CDKAL1: variants seen among roughly 807,000 people sequenced by gnomAD.
CDKAL1 encodes CDKAL1 threonylcarbamoyladenosine tRNA methylthiotransferase.
Under a neutral mutation model 68.2 loss-of-function variants are expected in CDKAL1, and 32 were observed. The ratio of observed to expected loss-of-function variants is 0.47; its 90% confidence interval spans 0.35 to 0.63. The LOEUF (loss-of-function observed/expected upper bound fraction) is 0.63. Among genes scored for constraint, CDKAL1 ranks in the 30% least tolerant of loss-of-function variants. CDKAL1 has a pLI of 0.00. For synonymous variants in CDKAL1, 234 were observed against 244.3 expected, an observed-to-expected ratio of 0.96 and a Z score of 0.39; for missense variants, 606 against 696.7, an observed-to-expected ratio of 0.87 and a Z score of 1.47.
intron 10 of CDKAL1, among the ~76,000 whole-genome samples, chr6:20,994,214 C>T (rs1282055809): frequency 6.6e-6 from 1 of 152,266 alleles, no homozygotes; most frequent in Non-Finnish European, 1.5e-5. Flanking sequence ...AGCAGTAGCT[C>T]ATGCCTGTAA....
intron 13 of CDKAL1, among the ~76,000 whole-genome samples, chr6:21,164,913 C>T (rs1777088202): frequency 6.6e-6 from 1 of 152,166 alleles, no homozygotes. Context: ...AAAGCTCCAC[C>T]AGAGGAATCT....
At chr6:21,118,456 C>T (rs960873731) in intron 13 of CDKAL1, among the ~76,000 whole-genome samples, 30 of 152,280 alleles carry the variant, frequency 2.0e-4, no homozygotes, top group African/African-American at 7.2e-4. Context: ...TACCAACCTC[C>T]AACACAGATT....
chr6:21,038,217 A>G (rs759582494), intron 11 of CDKAL1, among the ~76,000 whole-genome samples: 13 of 152,244 alleles, frequency 8.5e-5, no homozygotes, highest in Non-Finnish European at 1.5e-4. Flanking sequence ...AGGCCTGAAC[A>G]GAGGAGAGTT....
In CDKAL1 at chr6:21,007,035, C is replaced by T. The variant is rs150193516; in HGVS notation, c.1055+6663C>T. Among the ~76,000 whole-genome samples, 432 of 152,264 alleles carry T rather than the reference C, an allele frequency of 2.8e-3. 5 individuals are homozygous for T. The highest frequency in any genetic ancestry group is 8.9e-3 in the African/African-American group (370 of 41,548). On this transcript the variant is annotated intron_variant, in intron 11 of 15. Transcript: ENST00000274695. ...TTTGACAGAGTGCTTTCATATTCCA[C>T]AGAGCTTGCATATTAACTCATTATG...
intron 4 of CDKAL1, among the ~76,000 whole-genome samples, chr6:20,600,034 C>A (rs1298780775): frequency 6.6e-6 from 1 of 152,144 alleles, no homozygotes; most frequent in Non-Finnish European, 1.5e-5. Context: ...ATGTGAATAT[C>A]ATGCTTGGTA....
intron 9 of CDKAL1, among the ~76,000 whole-genome samples, chr6:20,923,615 C>T (rs548607943): frequency 3.3e-5 from 5 of 152,268 alleles, no homozygotes; most frequent in African/African-American, 1.2e-4. Context: ...TTCCAGCCTC[C>T]CTATTGCCTG....
At chr6:20,806,044 T>G (rs1263295258) in intron 8 of CDKAL1, among the ~76,000 whole-genome samples, 2 of 152,212 alleles carry the variant, frequency 1.3e-5, no homozygotes. Flanking sequence ...TGTACAGGTC[T>G]TTATGTAGGT....
intron 10 of CDKAL1, among the ~76,000 whole-genome samples, chr6:20,969,851 C>A (rs1159632311): frequency 6.6e-6 from 1 of 152,102 alleles, no homozygotes; most frequent in African/African-American, 2.4e-5. Context: ...AAACACACAC[C>A]CAGCCCTATG....
At chr6:20,987,046 AAC>A (rs1407320652) in intron 10 of CDKAL1, among the ~76,000 whole-genome samples, 1 of 152,184 alleles carries the variant, frequency 6.6e-6, no homozygotes, top group Admixed American at 6.5e-5. Context: ...CTTTAAGGCA[AAC>A]AAAGATGTGT....
chr6:20,990,907 A>G (rs1766756272), intron 10 of CDKAL1, among the ~76,000 whole-genome samples: 1 of 152,234 alleles, frequency 6.6e-6, no homozygotes, highest in Non-Finnish European at 1.5e-5. Flanking sequence ...ATACTGATTT[A>G]TTGGGACATT....
intron 11 of CDKAL1, among the ~76,000 whole-genome samples, chr6:21,019,163 G>T (rs1293490149): frequency 2.0e-5 from 3 of 152,142 alleles, no homozygotes; most frequent in Non-Finnish European, 4.4e-5. Context: ...TGGCCAGGCT[G>T]GTTTCAAACT....
intron 9 of CDKAL1, among the ~76,000 whole-genome samples, chr6:20,867,391 C>A (rs58204955): frequency 6.6e-6 from 1 of 152,078 alleles, no homozygotes; most frequent in African/African-American, 2.4e-5. Flanking sequence ...GATTTTTGGT[C>A]ATTTTCTAAC....
chr6:20,739,363 A>G (rs779363053), intron 5 of CDKAL1, among the ~76,000 whole-genome samples, 156 bp from the exon 6 acceptor site: 1 of 152,188 alleles, frequency 6.6e-6, no homozygotes, highest in African/African-American at 2.4e-5. Context: ...ATTGTACAGA[A>G]GTTTTATTAT....
intron 8 of CDKAL1, among the ~76,000 whole-genome samples, chr6:20,818,533 A>T (rs528720264): frequency 1.2e-4 from 19 of 152,134 alleles, no homozygotes; most frequent in African/African-American, 4.3e-4. Flanking sequence ...CTATATTATG[A>T]CCTAAAAAAT....
chr6:21,181,543 A>T (rs1325314745), intron 13 of CDKAL1, among the ~76,000 whole-genome samples: 1 of 152,208 alleles, frequency 6.6e-6, no homozygotes, highest in Non-Finnish European at 1.5e-5. Flanking sequence ...TTGATCTTTG[A>T]CTTCCTGGCC....
At chr6:20,619,151 T>C (rs1767064453) in intron 4 of CDKAL1, among the ~76,000 whole-genome samples, 1 of 152,242 alleles carries the variant, frequency 6.6e-6, no homozygotes, top group African/African-American at 2.4e-5. Context: ...TCACTTGTTA[T>C]TGATAATTCA....
At chr6:20,618,375 C>T (rs1247150396) in intron 4 of CDKAL1, among the ~76,000 whole-genome samples, 1 of 152,124 alleles carries the variant, frequency 6.6e-6, no homozygotes, top group Non-Finnish European at 1.5e-5. Context: ...CCTGTTCACT[C>T]TGATGGTAGT....
At chr6:20,629,322 A>G (rs991769085) in intron 4 of CDKAL1, among the ~76,000 whole-genome samples, 3 of 152,034 alleles carry the variant, frequency 2.0e-5, no homozygotes, top group Non-Finnish European at 4.4e-5. Flanking sequence ...GTAACACCTG[A>G]CTTTGATTTG....
intron 9 of CDKAL1, among the ~76,000 whole-genome samples, chr6:20,853,982 A>C (rs1373399438): frequency 1.3e-5 from 2 of 152,208 alleles, no homozygotes; most frequent in East Asian, 1.9e-4. Flanking sequence ...GTACTTATTT[A>C]AGTTAAAAGG....
Sources: gnomAD v4.1 joint callset for allele counts (sites outside exome capture counted in the v4.1 genomes callset) on GRCh38, gnomAD v4.1.1 for gene constraint, MANE v1.5 for transcripts, NCBI Gene and HGNC (gene_info 2026-07-23, HGNC 2026-07-21) for gene names.